HEXB: variants seen among roughly 807,000 people sequenced by gnomAD.
The protein encoded by HEXB is hexosaminidase subunit beta.
HEXB carries 51 observed loss-of-function variants against 71.2 expected under a neutral mutation model. The ratio of observed to expected loss-of-function variants is 0.72; its 90% CI spans 0.57 to 0.90. The LOEUF is 0.90. Ranked by LOEUF, HEXB falls within the 40% of genes least tolerant of loss-of-function variation. The pLI is 0.00. For synonymous variants in HEXB, 266 were observed against 249.3 expected, an observed-to-expected ratio of 1.07 and a Z score of -0.63; for missense variants, 617 against 677.0, an observed-to-expected ratio of 0.91 and a Z score of 0.98.
chr5:74,673,748 G>A (rs564472237), intron 1 of HEXB, among the ~76,000 whole-genome samples: 1 of 152,268 alleles, frequency 6.6e-6, no homozygotes, highest in East Asian at 1.9e-4. Context: ...CTGAAATGGT[G>A]TAATTCTAGA....
rs1561229626 is a variant in HEXB at position 74,720,957 on chromosome 5, A to G, written c.1614-161A>G. On this transcript the variant is annotated intron_variant, in intron 13 of 13. Transcript: ENST00000261416. Reference sequence around the variant, plus strand: ...AAATGTTGGTGTAACTTAGAACTCCATCTTGAGTTGCTTTAATTTTCTTCC... The same window carrying G: ...AAATGTTGGTGTAACTTAGAACTCCGTCTTGAGTTGCTTTAATTTTCTTCC... 5.1e-6 allele frequency: 4 copies of G among 788,252 alleles called. No homozygotes were observed. The African/African-American group carries it at 7.0e-5, about 14-fold the overall frequency. 48.8% of individuals were successfully genotyped at this position (788,252 alleles called of 1,614,324 possible). A position where few individuals can be genotyped will look rare whatever the true frequency, so the allele number is the denominator to read the frequency against.
rs186237150 is a variant in HEXB at position 74,652,876 on chromosome 5, G to A, written c.-377+12318G>A. On this transcript the variant is annotated intron_variant, in intron 1 of 13. Transcript: ENST00000511181. The surrounding 1 kb of genome is among the most constrained non-coding windows in gnomAD (Gnocchi z 5.4). ...AGGGGGAAAAGCCTCCCTCTTGGGC[G>A]ACTACACACATCTACGCTAGTGACA... Among the ~76,000 whole-genome samples, 75 of 152,198 alleles carry A rather than the reference G, an allele frequency of 4.9e-4. No homozygotes were observed. The East Asian group carries it at 9.5e-3, about 19-fold the overall frequency.
At chr5:74,718,719 G>C (rs1162012778) in intron 10 of HEXB, 78 bp from the exon 11 acceptor site, 2 of 1,378,378 alleles carry the variant, frequency 1.5e-6, no homozygotes, top group African/African-American at 1.4e-5. Flanking sequence ...TATGTTCCTA[G>C]TAATAATGCC....
At chr5:74,670,363 T>A (rs1487680741) in intron 1 of HEXB, among the ~76,000 whole-genome samples, 4 of 151,960 alleles carry the variant, frequency 2.6e-5, no homozygotes, top group Non-Finnish European at 4.4e-5. Context: ...CACCCTCACG[T>A]CCCCTCTCTG....
chr5:74,640,997 A>T (rs1326413383), intron 1 of HEXB: 2 of 152,136 alleles, frequency 1.3e-5, no homozygotes, highest in African/African-American at 4.8e-5. Context: ...GGCAGCTGCA[A>T]CCCCGGGAAC....
intron 5 of HEXB, among the ~76,000 whole-genome samples, chr5:74,703,826 C>A (rs1398712496): frequency 6.6e-6 from 1 of 152,168 alleles, no homozygotes; most frequent in Non-Finnish European, 1.5e-5. Context: ...CGGCATGTGT[C>A]ACGATGCCCA....
upstream of HEXB, among the ~76,000 whole-genome samples, chr5:74,683,623 C>T (rs953951972): frequency 2.0e-5 from 3 of 151,204 alleles, no homozygotes; most frequent in Non-Finnish European, 4.4e-5. Context: ...GTTTCTGTGA[C>T]CCATTTTGAA....
chr5:74,644,464 G>A (rs1416881621), intron 1 of HEXB, among the ~76,000 whole-genome samples: 1 of 152,110 alleles, frequency 6.6e-6, no homozygotes, highest in African/African-American at 2.4e-5. Context: ...TACAAACCTA[G>A]GAAAATGAGA....
At chr5:74,665,160 A>T (rs143286897) in intron 1 of HEXB, among the ~76,000 whole-genome samples, 498 of 152,252 alleles carry the variant, frequency 3.3e-3, no homozygotes, top group Non-Finnish European at 5.9e-3. Context: ...ATCCATCCAG[A>T]CTCATAACTT....
intron 6 of HEXB, among the ~76,000 whole-genome samples, chr5:74,707,075 G>A (rs1222718087): frequency 6.6e-6 from 1 of 152,224 alleles, no homozygotes; most frequent in Non-Finnish European, 1.5e-5. Context: ...ACACAGCCGG[G>A]TATTCCTCTG....
At chr5:74,669,266 T>C (rs1396750240) in intron 1 of HEXB, among the ~76,000 whole-genome samples, 1 of 152,226 alleles carries the variant, frequency 6.6e-6, no homozygotes, top group Admixed American at 6.5e-5. Context: ...CCTTTAAATT[T>C]AGGTTACTTT....
chr5:74,687,834 C>G (rs1420735426), intron 1 of HEXB, among the ~76,000 whole-genome samples: 2 of 152,106 alleles, frequency 1.3e-5, no homozygotes, highest in East Asian at 1.9e-4. Flanking sequence ...ATTCCATTCT[C>G]TCATTGGTTA....
intron 5 of HEXB, among the ~76,000 whole-genome samples, chr5:74,704,698 G>A (rs947784222): frequency 1.3e-5 from 2 of 152,180 alleles, no homozygotes; most frequent in Non-Finnish European, 2.9e-5. Context: ...TCACCGTCTA[G>A]AATAAATACA....
chr5:74,684,500 C>T (rs960735921), upstream of HEXB, among the ~76,000 whole-genome samples: 63 of 152,178 alleles, frequency 4.1e-4, no homozygotes, highest in African/African-American at 1.5e-3. Context: ...CAGCTCTCAT[C>T]TCGGTTATCT....
rs1749837916 is a variant in HEXB, at chr5:74,721,066, AATG to A, written c.1614-49_1614-47del. The A allele has an allele frequency of 5.2e-6, 7 of 1,335,792 alleles. No homozygotes were observed. The East Asian group carries it at 6.9e-5, about 13-fold the overall frequency. The allele number at this position is 1,335,792 out of a possible 1,614,324, so 82.7% of individuals were successfully genotyped here. A position where few individuals can be genotyped will look rare whatever the true frequency, so the allele number is the denominator to read the frequency against. ...AATATCAATCTAAAATATCTTTATG[AATG>A]ATATCAATCTAAATCAATCTAAAAT... On this transcript the variant is annotated intron_variant, in intron 13 of 13. Coordinates refer to ENST00000261416, the MANE Select transcript of HEXB (RefSeq NM_000521.4).
chr5:74,708,643 A>T (rs1423691756), intron 6 of HEXB, among the ~76,000 whole-genome samples: 1 of 152,120 alleles, frequency 6.6e-6, no homozygotes, highest in African/African-American at 2.4e-5. Context: ...TTGCAATCCT[A>T]GTCTCTGATA....
chr5:74,694,707 G>A (rs1335653448), intron 3 of HEXB, among the ~76,000 whole-genome samples: 1 of 152,156 alleles, frequency 6.6e-6, no homozygotes, highest in Non-Finnish European at 1.5e-5. Context: ...ACTCACACCT[G>A]TAATCCCACC....
At chr5:74,702,986 C>CT (rs1749299028) in intron 5 of HEXB, among the ~76,000 whole-genome samples, 1 of 152,182 alleles carries the variant, frequency 6.6e-6, no homozygotes, top group Non-Finnish European at 1.5e-5. Context: ...GAGTTTCGCT[C>CT]TTGTCGCCCA....
At chr5:74,696,515 G>A (rs2112140712) in intron 3 of HEXB, among the ~76,000 whole-genome samples, 178 bp from the exon 4 acceptor site, 1 of 152,130 alleles carries the variant, frequency 6.6e-6, no homozygotes, top group Middle Eastern at 3.4e-3. Context: ...ATTTGGCTTT[G>A]ATTTTAGAAA....
Sources: gnomAD v4.1 joint callset for allele counts (sites outside exome capture counted in the v4.1 genomes callset) on GRCh38, gnomAD v4.1.1 for gene constraint, Gnocchi (gnomAD v3.1) non-coding constraint, MANE v1.5 for transcripts, NCBI Gene and HGNC (gene_info 2026-07-23, HGNC 2026-07-21) for gene names.